NRG3: variants seen among roughly 807,000 people sequenced by gnomAD.
The protein encoded by NRG3 is neuregulin 3.
A neutral mutation model predicts 66.9 loss-of-function variants in NRG3; 31 were observed. The observed-to-expected ratio is 0.46, with a 90% confidence interval of 0.35 to 0.63. The LOEUF is 0.63. NRG3 is among the 20% of genes least tolerant of loss of function. NRG3 has a pLI of 0.00. For synonymous variants in NRG3, 393 were observed against 359.4 expected, an observed-to-expected ratio of 1.09 and a Z score of -1.06; for missense variants, 910 against 878.9, an observed-to-expected ratio of 1.04 and a Z score of -0.45.
At chr10:82,156,059 T>C (rs1000074129) in intron 1 of NRG3, among the ~76,000 whole-genome samples, 1 of 151,718 alleles carries the variant, frequency 6.6e-6, no homozygotes, top group Non-Finnish European at 1.5e-5. Flanking sequence ...CCTCTGTTCA[T>C]ATGTTTTGGC....
intron 1 of NRG3, among the ~76,000 whole-genome samples, chr10:82,247,595 C>A (rs2077300655): frequency 6.6e-6 from 1 of 152,104 alleles, no homozygotes; most frequent in Non-Finnish European, 1.5e-5. Flanking sequence ...TCATGATCCA[C>A]AAACTACCAA....
chr10:82,281,884 T>C (rs2079139904), intron 1 of NRG3, among the ~76,000 whole-genome samples: 1 of 152,214 alleles, frequency 6.6e-6, no homozygotes, highest in East Asian at 1.9e-4. Context: ...TCATTGAATA[T>C]ATTCATAGAG....
intron 1 of NRG3, among the ~76,000 whole-genome samples, chr10:82,242,562 C>A (rs886366399): frequency 1.3e-5 from 2 of 152,092 alleles, no homozygotes; most frequent in African/African-American, 4.8e-5. Flanking sequence ...GTACAACATT[C>A]TTTCTAAGGA....
intron 2 of NRG3, among the ~76,000 whole-genome samples, chr10:82,481,885 G>A (rs887906239): frequency 1.3e-5 from 2 of 152,106 alleles, no homozygotes; most frequent in Non-Finnish European, 2.9e-5. Context: ...TACTTTGGAG[G>A]CTGAGACAGG....
chr10:82,814,300 A>G (rs1423892206), intron 3 of NRG3, among the ~76,000 whole-genome samples: 1 of 152,222 alleles, frequency 6.6e-6, no homozygotes, highest in Non-Finnish European at 1.5e-5. Flanking sequence ...TTCTAATTAA[A>G]CTGAGATGGA....
At chr10:82,314,544 C>G (rs991622115) in intron 1 of NRG3, among the ~76,000 whole-genome samples, 1 of 152,138 alleles carries the variant, frequency 6.6e-6, no homozygotes, top group African/African-American at 2.4e-5. Context: ...CACAGTGGCT[C>G]ACGTCTGTAA....
intron 1 of NRG3, among the ~76,000 whole-genome samples, chr10:82,018,400 A>G (rs1284877946): frequency 6.6e-6 from 1 of 152,080 alleles, no homozygotes. Context: ...TTGGCTTAGG[A>G]TTGACTTGGC....
At chr10:82,647,262 T>C (rs1302367459) in intron 2 of NRG3, among the ~76,000 whole-genome samples, 1 of 152,156 alleles carries the variant, frequency 6.6e-6, no homozygotes, top group South Asian at 2.1e-4. Flanking sequence ...GTGTTTGGTT[T>C]TTTGTTCTTG....
At chr10:82,352,546 T>C (rs1384393260) in intron 1 of NRG3, among the ~76,000 whole-genome samples, 2 of 152,204 alleles carry the variant, frequency 1.3e-5, no homozygotes, top group African/African-American at 4.8e-5. Flanking sequence ...GGCAACACTA[T>C]AGAGAGTTTT....
At chr10:82,178,720 T>C (rs2073210418) in intron 1 of NRG3, among the ~76,000 whole-genome samples, 1 of 152,172 alleles carries the variant, frequency 6.6e-6, no homozygotes, top group African/African-American at 2.4e-5. Context: ...ATTTCAGTTA[T>C]GTTAGATAAA....
At chr10:82,044,017 G>A (rs553535532) in intron 1 of NRG3, among the ~76,000 whole-genome samples, 11 of 151,966 alleles carry the variant, frequency 7.2e-5, no homozygotes, top group Non-Finnish European at 1.2e-4. Context: ...TGGTGAATGA[G>A]TGAGCGACAG....
chr10:82,971,556 C>T (rs1244339965), intron 6 of NRG3, among the ~76,000 whole-genome samples: 1 of 151,836 alleles, frequency 6.6e-6, no homozygotes, highest in South Asian at 2.1e-4. Flanking sequence ...CCTGCCTCAG[C>T]CTCCTGAGTA....
chr10:81,942,768 A>G (rs142385988), intron 1 of NRG3, among the ~76,000 whole-genome samples: 4 of 152,310 alleles, frequency 2.6e-5, no homozygotes, highest in Admixed American at 2.0e-4. Flanking sequence ...ATACTAACAC[A>G]TAAGGACTAC....
At chr10:82,502,231 TCTGGAGTC>T (rs1204959210) in intron 2 of NRG3, among the ~76,000 whole-genome samples, 1 of 152,194 alleles carries the variant, frequency 6.6e-6, no homozygotes, top group Non-Finnish European at 1.5e-5. Context: ...CTTGCCAGGT[TCTGGAGTC>T]CTGTTCCTCA....
chr10:82,861,292 A>G (rs1235580657), intron 3 of NRG3, among the ~76,000 whole-genome samples: 2 of 152,186 alleles, frequency 1.3e-5, no homozygotes, highest in Admixed American at 1.3e-4. Flanking sequence ...AAATTAATAA[A>G]TAATTTCCCA....
chr10:82,152,804 T>TCC (rs1386636401), intron 1 of NRG3, among the ~76,000 whole-genome samples: 5 of 146,312 alleles, frequency 3.4e-5, no homozygotes, highest in Non-Finnish European at 7.5e-5. Flanking sequence ...TCCCCCACCC[T>TCC]CCCCTCTCTC....
chr10:82,523,461 C>G (rs1590473269), intron 2 of NRG3, among the ~76,000 whole-genome samples: 1 of 151,840 alleles, frequency 6.6e-6, no homozygotes, highest in Admixed American at 6.6e-5. Context: ...ATTTGTATTT[C>G]TCTGATAGGT....
chr10:82,465,904 G>A (rs1840626372), intron 2 of NRG3, among the ~76,000 whole-genome samples: 1 of 152,106 alleles, frequency 6.6e-6, no homozygotes, highest in South Asian at 2.1e-4. Flanking sequence ...CTCTAGCCAG[G>A]GACACAGTAA....
At chr10:82,964,398 A>T (rs1231771110) in intron 6 of NRG3, among the ~76,000 whole-genome samples, 1 of 152,154 alleles carries the variant, frequency 6.6e-6, no homozygotes, top group Non-Finnish European at 1.5e-5. Context: ...CACATGAAGA[A>T]TCCCCCTGGT....
Sources: allele counts gnomAD v4.1 joint callset (sites outside exome capture counted in the v4.1 genomes callset), GRCh38; gene constraint gnomAD v4.1.1; transcripts MANE v1.5; gene names NCBI Gene and HGNC (gene_info 2026-07-23, HGNC 2026-07-21).